Variants in RASSF3 observed in about 807,000 individuals in gnomAD.
RASSF3 encodes the protein ras association domain-containing protein 3.
A neutral mutation model predicts 19.9 loss-of-function variants in RASSF3; 19 were observed. The observed-to-expected ratio is 0.96, with a 90% confidence interval of 0.67 to 1.40. RASSF3 has a LOEUF of 1.40. Ranked by LOEUF, RASSF3 falls within the 40% of genes most tolerant of loss-of-function variation. The probability of loss-of-function intolerance (pLI) is 0.00; values close to 1 mark genes in which losing one functional copy is unlikely to be tolerated. For synonymous variants in RASSF3, 110 were observed against 104.2 expected, an observed-to-expected ratio of 1.06 and a Z score of -0.34; for missense variants, 306 against 289.8, an observed-to-expected ratio of 1.06 and a Z score of -0.41.
intron 1 of RASSF3, among the ~76,000 whole-genome samples, chr12:64,526,830 G>A (rs963568759): frequency 1.3e-5 from 2 of 152,248 alleles, no homozygotes; most frequent in South Asian, 4.1e-4. Context: ...ACAGGCGTGA[G>A]CCACTGCACC....
chr12:64,638,624 C>A (rs1871408048), intron 1 of RASSF3, among the ~76,000 whole-genome samples: 1 of 151,780 alleles, frequency 6.6e-6, no homozygotes, highest in South Asian at 2.1e-4. Flanking sequence ...TAGTCACCAT[C>A]CAGTTTAAAA....
intron 1 of RASSF3, among the ~76,000 whole-genome samples, chr12:64,538,815 G>A (rs999800438): frequency 2.0e-5 from 3 of 152,068 alleles, no homozygotes; most frequent in African/African-American, 4.8e-5. Context: ...AGGCTGAGAC[G>A]GGAGGATCAC....
chr12:64,658,212 A>T (rs961942094), intron 1 of RASSF3, among the ~76,000 whole-genome samples: 7 of 151,460 alleles, frequency 4.6e-5, no homozygotes, highest in Admixed American at 4.0e-4. Flanking sequence ...CCACAGACAT[A>T]TTTTTTTTTA....
intron 1 of RASSF3, among the ~76,000 whole-genome samples, chr12:64,657,296 C>T (rs547181456): frequency 3.3e-5 from 5 of 152,166 alleles, no homozygotes; most frequent in East Asian, 3.9e-4. Context: ...TGAGCCACCA[C>T]GCTGGGCGAT....
intron 3 of RASSF3, among the ~76,000 whole-genome samples, chr12:64,690,012 A>G (rs570177063): frequency 6.6e-6 from 1 of 151,244 alleles, no homozygotes; most frequent in African/African-American, 2.4e-5. Context: ...GATGGTCTCG[A>G]TCTCCTGACC....
intron 3 of RASSF3, 67 bp downstream of exon 3, chr12:64,688,520 A>C: frequency 8.8e-7 from 1 of 1,132,810 alleles, no homozygotes; most frequent in Admixed American, 1.7e-5. Flanking sequence ...TCATTAGCAG[A>C]GGGAAGACTG....
intron 2 of RASSF3, among the ~76,000 whole-genome samples, chr12:64,551,825 G>A (rs1173597281): frequency 6.6e-6 from 1 of 152,106 alleles, no homozygotes; most frequent in Non-Finnish European, 1.5e-5. Flanking sequence ...TTAAAGAGAG[G>A]CGAACCAACT....
At chr12:64,647,172 C>T (rs972750297) in intron 1 of RASSF3, among the ~76,000 whole-genome samples, 1 of 152,160 alleles carries the variant, frequency 6.6e-6, no homozygotes, top group Non-Finnish European at 1.5e-5. Flanking sequence ...CCCTCCACCT[C>T]CTGGCACCCC....
At chr12:64,560,719 T>G (rs1452397068) in intron 2 of RASSF3, among the ~76,000 whole-genome samples, 5 of 152,214 alleles carry the variant, frequency 3.3e-5, no homozygotes, top group African/African-American at 4.8e-5. Flanking sequence ...TAGTCTGAGT[T>G]CTTTGAGAAG....
At chr12:64,682,191 T>C (rs2136216664) in intron 1 of RASSF3, among the ~76,000 whole-genome samples, 1 of 152,282 alleles carries the variant, frequency 6.6e-6, no homozygotes, top group African/African-American at 2.4e-5. Flanking sequence ...GAACACATTA[T>C]CTTGTGCTGG....
At chr12:64,627,003 C>T (rs540032515) in intron 1 of RASSF3, among the ~76,000 whole-genome samples, 2 of 152,218 alleles carry the variant, frequency 1.3e-5, no homozygotes, top group Non-Finnish European at 2.9e-5. Context: ...TGAGCAGGTT[C>T]CTTACTTAAG....
chr12:64,530,473 T>G (rs1374585414), upstream of RASSF3, among the ~76,000 whole-genome samples: 1 of 152,146 alleles, frequency 6.6e-6, no homozygotes, highest in Non-Finnish European at 1.5e-5. Flanking sequence ...ATTTTCCTGT[T>G]GATGGACATT....
chr12:64,651,228 A>T lies in RASSF3; in HGVS notation c.112-33559A>T, dbSNP rs1214297529. On this transcript the variant is annotated intron_variant, in intron 1 of 4. Transcript: ENST00000542104. ...AATTTAGTTACAACTAAATGTCAGG[A>T]AATTTTGTAGCTTACCTAGTTTAAG... is the stretch of plus-strand genomic sequence containing the variant. Among the ~76,000 whole-genome samples the T allele has an allele frequency of 2.0e-5, 3 of 152,298 alleles. No individual in the cohort carries two copies. In the South Asian group the frequency reaches 6.2e-4, roughly 32 times the overall value.
intron 4 of RASSF3, 30 bp from the exon 5 acceptor site, chr12:64,694,733 T>G (rs1158824642): frequency 6.2e-7 from 1 of 1,613,064 alleles, no homozygotes; most frequent in African/African-American, 1.3e-5. Flanking sequence ...ATTAAACATC[T>G]GGCATTTTTC....
At chr12:64,528,095 A>AAC (rs1203887592) in intron 1 of RASSF3, among the ~76,000 whole-genome samples, 1 of 151,810 alleles carries the variant, frequency 6.6e-6, no homozygotes, top group South Asian at 2.1e-4. Flanking sequence ...CTTGTCTCTA[A>AAC]ACACACACAC....
At chr12:64,621,196 A>C (rs1870747953) in intron 1 of RASSF3, among the ~76,000 whole-genome samples, 1 of 152,218 alleles carries the variant, frequency 6.6e-6, no homozygotes, top group South Asian at 2.1e-4. Flanking sequence ...TCGGCCTCCC[A>C]AAGTGCTGAG....
chr12:64,535,016 T>A (rs2136111699), intron 1 of RASSF3, among the ~76,000 whole-genome samples: 1 of 152,120 alleles, frequency 6.6e-6, no homozygotes. Context: ...CTAAGGAAAA[T>A]GCTGTCAATT....
chr12:64,510,090 C>CAA (rs67684990), intron 1 of RASSF3, among the ~76,000 whole-genome samples: 19 of 107,238 alleles, frequency 1.8e-4, no homozygotes, highest in African/African-American at 3.9e-4. Context: ...AACTCCATCT[C>CAA]AAAAAAAAAA....
intron 2 of RASSF3, among the ~76,000 whole-genome samples, chr12:64,563,174 T>TA (rs1441491180): frequency 2.3e-5 from 3 of 131,700 alleles, no homozygotes; most frequent in African/African-American, 1.3e-4. Context: ...TTTATTTTTA[T>TA]TTTTTTTTTG....
Sources: allele counts gnomAD v4.1 joint callset (sites outside exome capture counted in the v4.1 genomes callset), GRCh38; gene constraint gnomAD v4.1.1; transcripts MANE v1.5; gene names NCBI Gene and HGNC (gene_info 2026-07-23, HGNC 2026-07-21).